Variants in FAM53A observed in about 807,000 individuals in gnomAD.
The protein encoded by FAM53A is family with sequence similarity 53 member A, also known as protein FAM53A.
A neutral mutation model predicts 26.6 loss-of-function variants in FAM53A; 28 were observed. The ratio of observed to expected loss-of-function variants is 1.05; its 90% CI spans 0.78 to 1.45. The LOEUF (loss-of-function observed/expected upper bound fraction) is 1.45. FAM53A is among the 40% of genes most tolerant of loss of function. The probability of loss-of-function intolerance (pLI) is 0.00; values close to 1 mark genes in which losing one functional copy is unlikely to be tolerated. For synonymous variants in FAM53A, 290 were observed against 253.1 expected (o/e 1.15, Z -1.38); for missense variants, 650 against 575.8 (o/e 1.13, Z -1.32).
At chr4:1,598,485 G>A in the FAM53A span, among the ~76,000 whole-genome samples, 3 of 152,226 alleles carry the variant, frequency 2.0e-5, no homozygotes, top group Admixed American at 6.5e-5. Flanking sequence ...AAGGAAGTGG[G>A]TAAGACAGCC....
intron 1 of FAM53A, among the ~76,000 whole-genome samples, chr4:1,669,405 C>G (rs763346465): frequency 6.6e-6 from 1 of 152,236 alleles, no homozygotes; most frequent in Non-Finnish European, 1.5e-5. Flanking sequence ...GTGCTGACAG[C>G]AAGGGGCCGG....
chr4:1,614,038 GTATGCT>G (rs1224988074), downstream of FAM53A, among the ~76,000 whole-genome samples: 1 of 152,232 alleles, frequency 6.6e-6, no homozygotes, highest in African/African-American at 2.4e-5. Flanking sequence ...CAGCTGGCTG[GTATGCT>G]CACGCGACCA....
chr4:1,602,821 G>A, the FAM53A span, among the ~76,000 whole-genome samples: 2 of 152,128 alleles, frequency 1.3e-5, no homozygotes, highest in African/African-American at 4.8e-5. Context: ...CCCAGGAGGG[G>A]TCTGAGGGCA....
At chr4:1,634,204 G>A (rs898660133) in intron 1 of FAM53A, among the ~76,000 whole-genome samples, 2 of 152,202 alleles carry the variant, frequency 1.3e-5, no homozygotes, top group East Asian at 3.8e-4. Context: ...GTGGCAGGAG[G>A]TGTCTAAGCT....
the FAM53A span, among the ~76,000 whole-genome samples, chr4:1,607,980 C>T: frequency 6.6e-6 from 1 of 151,512 alleles, no homozygotes; most frequent in Admixed American, 6.6e-5. Context: ...GATGTGGTAG[C>T]ACGAGCCTGT....
At chr4:1,661,698 T>C (rs1012014200) in intron 2 of FAM53A, among the ~76,000 whole-genome samples, 5 of 149,636 alleles carry the variant, frequency 3.3e-5, no homozygotes, top group African/African-American at 1.2e-4. Flanking sequence ...TCCAACCCTC[T>C]TTGCTGCTCC....
downstream of FAM53A, among the ~76,000 whole-genome samples, chr4:1,615,289 CGG>C (rs1714767776): frequency 4.6e-4 from 61 of 132,276 alleles, no homozygotes; most frequent in Admixed American, 9.4e-4. Flanking sequence ...TGGGCCCACA[CGG>C]AAGACAGGAT....
rs919913876 is a variant in FAM53A, at chr4:1,643,452, T to C, written c.883-1845A>G. On this transcript the variant is annotated intron_variant, in intron 4 of 4. Coordinates refer to ENST00000308132, the MANE Select transcript of FAM53A (RefSeq NM_001174070.3). ...CTGCACTCCAGCCTGGGAGACAGAG[T>C]GAGACTCTGTCTCAAAAAAATAAAT... Among the ~76,000 whole-genome samples, 13 of 151,456 alleles carry C rather than the reference T, an allele frequency of 8.6e-5. 1 individual carries two copies. The highest frequency in any genetic ancestry group is 6.8e-3 in the Middle Eastern group (2 of 294).
At chr4:1,619,180 G>A (rs1204389447) in intron 1 of FAM53A, among the ~76,000 whole-genome samples, 2 of 152,246 alleles carry the variant, frequency 1.3e-5, no homozygotes, top group African/African-American at 4.8e-5. Context: ...AAGTGAAGCA[G>A]GTTACTAACG....
At chr4:1,627,549 C>A (rs1295500289) in intron 1 of FAM53A, among the ~76,000 whole-genome samples, 1 of 152,178 alleles carries the variant, frequency 6.6e-6, no homozygotes, top group Non-Finnish European at 1.5e-5. Context: ...GCCAGGCTGA[C>A]CCCTCCCCAC....
chr4:1,679,994 G>A lies in FAM53A; in HGVS notation c.-165+4239C>T, dbSNP rs186045872. ...GCCAAGATCGCACCATTGCGCTCCA[G>A]CCTGAGCGACAGGGCAAGACTCCGT... On this transcript the variant is annotated intron_variant, in intron 1 of 4. Coordinates refer to ENST00000308132, the MANE Select transcript of FAM53A (RefSeq NM_001174070.3). 2.1e-5 allele frequency among the ~76,000 whole-genome samples: 3 copies of A among 143,152 alleles called. No homozygotes were observed. The East Asian group carries it at 6.4e-4, about 30-fold the overall frequency. The allele number at this position is 143,152 out of a possible 152,430, so 93.9% of individuals were successfully genotyped here.
At chr4:1,597,341 T>G in the FAM53A span, among the ~76,000 whole-genome samples, 1 of 152,034 alleles carries the variant, frequency 6.6e-6, no homozygotes, top group Non-Finnish European at 1.5e-5. Context: ...CGACACAGCT[T>G]GAGGTGAGGG....
the FAM53A span, among the ~76,000 whole-genome samples, chr4:1,587,066 G>T: frequency 9.9e-5 from 15 of 152,138 alleles, no homozygotes; most frequent in South Asian, 2.1e-4. Flanking sequence ...TAGGTCCTTT[G>T]CCAATTTTTC....
At chr4:1,681,575 C>A (rs187865147) in intron 1 of FAM53A, among the ~76,000 whole-genome samples, 5 of 150,484 alleles carry the variant, frequency 3.3e-5, no homozygotes, top group Admixed American at 2.0e-4. Context: ...AGGCTCACTG[C>A]AGCCTCCACC....
At chr4:1,676,985 C>T (rs914530942) in intron 1 of FAM53A, among the ~76,000 whole-genome samples, 1 of 152,170 alleles carries the variant, frequency 6.6e-6, no homozygotes, top group African/African-American at 2.4e-5. Flanking sequence ...AGGAATAAGC[C>T]CTTTGGTCAA....
intron 1 of FAM53A, among the ~76,000 whole-genome samples, chr4:1,677,835 C>T (rs1223477475): frequency 6.6e-6 from 1 of 152,186 alleles, no homozygotes; most frequent in Non-Finnish European, 1.5e-5. Context: ...ATCCCAGCTA[C>T]TCAGGAGGCC....
downstream of FAM53A, among the ~76,000 whole-genome samples, chr4:1,637,631 C>CGGCAGGGGTG (rs142291972): frequency 3.4e-3 from 500 of 147,896 alleles, 4 homozygotes; most frequent in African/African-American, 0.011. Context: ...GGGGGCAGCC[C>CGGCAGGGGTG]GGCAGGGGTG....
At chr4:1,589,033 C>T in the FAM53A span, among the ~76,000 whole-genome samples, 1 of 152,186 alleles carries the variant, frequency 6.6e-6, no homozygotes, top group African/African-American at 2.4e-5. Context: ...GAGAAATAGA[C>T]ATGATATTCC....
intron 1 of FAM53A, among the ~76,000 whole-genome samples, chr4:1,682,286 CAG>C (rs1715495405): frequency 8.2e-6 from 1 of 122,406 alleles, no homozygotes; most frequent in Non-Finnish European, 1.6e-5. Context: ...TTTTTTGAGA[CAG>C]AGTCTGGCTC....
Sources: gnomAD v4.1 joint callset for allele counts (sites outside exome capture counted in the v4.1 genomes callset) on GRCh38, gnomAD v4.1.1 for gene constraint, MANE v1.5 for transcripts, NCBI Gene and HGNC (gene_info 2026-07-23, HGNC 2026-07-21) for gene names.